SGSM1: variants seen among roughly 807,000 people sequenced by gnomAD.
The protein encoded by SGSM1 is RUN and TBC1 domain containing 2.
SGSM1 carries 73 observed loss-of-function variants against 133.8 expected under a neutral mutation model. The observed-to-expected ratio is 0.55, with a 90% CI of 0.45 to 0.66. The LOEUF (loss-of-function observed/expected upper bound fraction) is 0.66, where lower values mean the gene tolerates loss of function less well. SGSM1 is among the 30% of genes least tolerant of loss of function. The probability of loss-of-function intolerance (pLI) is 0.00; values close to 1 mark genes in which losing one functional copy is unlikely to be tolerated. For synonymous variants in SGSM1, 563 were observed against 573.0 expected, an observed-to-expected ratio of 0.98 and a Z score of 0.25; for missense variants, 1,213 against 1,448.1, an observed-to-expected ratio of 0.84 and a Z score of 2.64.
intron 2 of SGSM1, among the ~76,000 whole-genome samples, chr22:24,830,481 A>C (rs2147809261): frequency 6.6e-6 from 1 of 152,302 alleles, no homozygotes; most frequent in African/African-American, 2.4e-5. Context: ...CAGTGTGTGA[A>C]TACTGTCATG....
chr22:24,905,144 C>T lies in SGSM1; in HGVS notation c.2775C>T (p.Gly925=), dbSNP rs1933324674. The T allele has an allele frequency of 1.9e-6, 3 of 1,613,988 alleles. No homozygotes were observed. Among genetic ancestry groups the T allele is most frequent in the African/African-American group, 2.7e-5 (2 of 75,042 alleles). The change falls in exon 21 of 25, where the codon GGC becomes GGT. Residue 925 remains glycine (G), a synonymous_variant. Coordinates refer to ENST00000400358, the MANE Select transcript of SGSM1 (RefSeq NM_001098497.3). ...WQHIEIGYVQ[G]MCDLLAPLLV... is the part of the protein sequence containing the mutation. Reference sequence around the variant, plus strand: ...ACATTGAGATCGGCTATGTCCAGGGCATGTGTGATCTTCTGGCTCCACTGC... The same window carrying T: ...ACATTGAGATCGGCTATGTCCAGGGTATGTGTGATCTTCTGGCTCCACTGC...
chr22:24,914,477 C>A (rs908444826), intron 22 of SGSM1, among the ~76,000 whole-genome samples: 2 of 151,202 alleles, frequency 1.3e-5, no homozygotes, highest in Admixed American at 6.6e-5. Context: ...CTCTGTCCCC[C>A]CCCCCAAAAA....
chr22:24,828,724 G>T (rs2043296381), intron 2 of SGSM1, among the ~76,000 whole-genome samples: 1 of 152,204 alleles, frequency 6.6e-6, no homozygotes, highest in African/African-American at 2.4e-5. Context: ...CCATTACTGG[G>T]TATATAACCA....
chr22:24,839,321 C>T (rs1569141530), intron 2 of SGSM1, among the ~76,000 whole-genome samples: 1 of 152,210 alleles, frequency 6.6e-6, no homozygotes, highest in Non-Finnish European at 1.5e-5. Flanking sequence ...GCCTCAGCCT[C>T]CCAAAGTGCT....
intron 20 of SGSM1, 50 bp downstream of exon 20, chr22:24,902,007 G>A: frequency 7.7e-7 from 1 of 1,304,942 alleles, no homozygotes. Flanking sequence ...GTGGGTGGGT[G>A]GGATGGGGGA....
Position 24,859,698 on chromosome 22 carries a change from G to T in SGSM1, c.802-18G>T, listed in dbSNP as rs1569151504. On this transcript the variant is annotated intron_variant, in intron 8 of 24. Transcript: ENST00000400358. ...ACTCCAGCACCATGGCCAGACCTGA[G>T]TCCTCCTCTCTCTGCAGAGGGACGA... is the stretch of plus-strand genomic sequence containing the variant. 2 of 1,613,426 alleles carry T rather than the reference G, an allele frequency of 1.2e-6. No individual in the cohort carries two copies. Among genetic ancestry groups the T allele is most frequent in the Non-Finnish European group, 1.7e-6 (2 of 1,179,794 alleles).
rs759483701 is a variant in SGSM1 at position 24,893,479 on chromosome 22, C to G, written c.1819C>G (p.Leu607Val). 10 of 1,613,766 alleles carry G rather than the reference C, an allele frequency of 6.2e-6. No individual in the cohort carries two copies. The highest frequency in any genetic ancestry group is 1.7e-5 in the Admixed American group (1 of 59,990). Residue 607 changes from leucine (L) to valine (V), a missense_variant, in exon 17 of 25, where the codon CTG becomes GTG. Transcript: ENST00000400358. ...ACYAQTMAEW[L>V]GCEAIVRQRE... ...CTATGCACAGACCATGGCTGAGTGG[C>G]TGGGCTGCGAGGCGATCGTGCGGCA...
chr22:24,844,815 A>G (rs1930001093), intron 2 of SGSM1, 82 bp from the exon 3 acceptor site: 5 of 1,316,254 alleles, frequency 3.8e-6, no homozygotes, highest in East Asian at 2.3e-5. Context: ...GTGGGGAGCA[A>G]TGCAGCCCTT....
At position 24,855,562 on chromosome 22, in the gene SGSM1, A is replaced by G. The variant is rs758781311; in HGVS notation, c.683A>G (p.His228Arg). 8 of 1,613,760 alleles carry G rather than the reference A, an allele frequency of 5.0e-6. No individual in the cohort carries two copies. The African/African-American group carries it at 8.0e-5, about 16-fold the overall frequency. The change falls in exon 8 of 25, where the codon CAT becomes CGT. Residue 228 changes from histidine to arginine, a missense_variant. His to Arg is a conservative substitution (Grantham distance 29). Transcript: ENST00000400358. ...ACTCTCTACCAGATCCAGAAGAGGC[A>G]TTCCAGTGGCAGCATGGATGACCGG... Reference protein sequence around the residue: ...KRPALCIQKRHSSGSMDDRPS... With the variant: ...KRPALCIQKRRSSGSMDDRPS...
In SGSM1 at chr22:24,806,249, C is replaced by A; in HGVS notation, c.-77C>A. ...CCCCGCCCCGCCGCGGCTGCAGCAG[C>A]AGCGCCGCGGCCGGAGGAGCTACCG... On this transcript the variant is annotated 5_prime_UTR_variant, in exon 1 of 25. Transcript: ENST00000400358. 7.5e-7 allele frequency: 1 copy of A among 1,338,140 alleles called. No homozygotes were observed. The allele number at this position is 1,338,140 out of a possible 1,614,324, so 82.9% of individuals were successfully genotyped here.
rs71320793 is a variant in SGSM1, at chr22:24,892,884, TA to T, written c.1771-528del. ...CAACAAGGTGAAACCCCGTCTCTACTAAAAAAAAAAAAAAAAAAATACAAAA... is the reference window on the plus strand; with the variant it reads ...CAACAAGGTGAAACCCCGTCTCTACTAAAAAAAAAAAAAAAAAATACAAAA... On this transcript the variant is annotated intron_variant, in intron 16 of 24. Transcript: ENST00000400358. 7.6e-3 allele frequency among the ~76,000 whole-genome samples: 906 copies of T among 118,670 alleles called. 7 individuals are homozygous for T. Among genetic ancestry groups the T allele is most frequent in the Middle Eastern group, 0.029 (7 of 240 alleles). The allele number at this position is 118,670 out of a possible 152,430, so 77.9% of individuals were successfully genotyped here.
chr22:24,874,377 C>A (rs182952177), intron 12 of SGSM1: 18,932 of 1,576,492 alleles, frequency 0.012, 140 homozygotes, highest in Non-Finnish European at 0.015. Context: ...CACCGCAGAA[C>A]CCCCACCTCA....
At chr22:24,879,612 C>T in intron 14 of SGSM1, 86 bp downstream of exon 14, 1 of 1,352,616 alleles carries the variant, frequency 7.4e-7, no homozygotes, top group South Asian at 1.3e-5. Flanking sequence ...AAGATACTGG[C>T]TCTGGAGTTT....
intron 5 of SGSM1, among the ~76,000 whole-genome samples, chr22:24,854,664 T>C (rs1033018254): frequency 3.3e-5 from 5 of 152,122 alleles, no homozygotes; most frequent in Admixed American, 1.3e-4. Flanking sequence ...ATTTAAAATT[T>C]GAAAATTAGC....
At chr22:24,821,139 C>T (rs1348174552) in intron 2 of SGSM1, among the ~76,000 whole-genome samples, 11 of 152,188 alleles carry the variant, frequency 7.2e-5, no homozygotes, top group African/African-American at 1.9e-4. Flanking sequence ...TGGGTTCAAG[C>T]GATTCTCCTG....
In SGSM1 at chr22:24,926,118, T is replaced by C. The variant is rs1441106061; in HGVS notation, c.*1844T>C. 6.6e-6 allele frequency: 1 copy of C among 151,916 alleles called. No homozygotes were observed. The highest frequency in any genetic ancestry group is 2.4e-5 in the African/African-American group (1 of 41,306). The allele number at this position is 151,916 out of a possible 1,614,324, so 9.4% of individuals were successfully genotyped here. ...AAGCATTTGCGGAGGGGTGTATTAG[T>C]CCTCCCACCCTGAGCACACCAGGAC... is the stretch of plus-strand genomic sequence containing the variant. On this transcript the variant is annotated 3_prime_UTR_variant, in exon 25 of 25. Coordinates refer to ENST00000400358, the MANE Select transcript of SGSM1 (RefSeq NM_001098497.3).
chr22:24,873,981 T>C (rs765773917), intron 12 of SGSM1, among the ~76,000 whole-genome samples: 3 of 152,270 alleles, frequency 2.0e-5, no homozygotes, highest in Admixed American at 1.3e-4. Context: ...GGGTTAATGA[T>C]AGTACTGTAC....
intron 3 of SGSM1, among the ~76,000 whole-genome samples, chr22:24,845,980 T>C (rs557032679): frequency 1.4e-5 from 2 of 147,384 alleles, no homozygotes; most frequent in Non-Finnish European, 3.0e-5. Context: ...TTTCTTTCTT[T>C]CTTTCTTTCT....
chr22:24,884,743 G>A (rs550719967), intron 15 of SGSM1, among the ~76,000 whole-genome samples: 2 of 152,288 alleles, frequency 1.3e-5, no homozygotes, highest in Admixed American at 6.5e-5. Flanking sequence ...TTCCCACAGC[G>A]CATGTACAGT....
Sources: allele counts gnomAD v4.1 joint callset (sites outside exome capture counted in the v4.1 genomes callset), GRCh38; gene constraint gnomAD v4.1.1; transcripts MANE v1.5; gene names NCBI Gene and HGNC (gene_info 2026-07-23, HGNC 2026-07-21).